LILRA4: variants seen among roughly 807,000 people sequenced by gnomAD.
LILRA4 encodes the protein leukocyte immunoglobulin like receptor A4.
A neutral mutation model predicts 49.5 loss-of-function variants in LILRA4; 51 were observed. The observed-to-expected ratio is 1.03, with a 90% CI of 0.82 to 1.30. The LOEUF (loss-of-function observed/expected upper bound fraction) is 1.30. Among genes scored for constraint, LILRA4 ranks in the 50% most tolerant of loss-of-function variants. The pLI is 0.00. For missense variants in LILRA4, 624 were observed against 625.6 expected (o/e 1.00, Z 0.03); for synonymous variants, 272 against 265.6 (o/e 1.02, Z -0.23).
chr19:54,336,975 T>A lies in LILRA4; in HGVS notation c.1121A>T (p.His374Leu). The A allele has an allele frequency of 6.2e-7, 1 of 1,614,190 alleles. No homozygotes were observed. Among genetic ancestry groups the A allele is most frequent in the Non-Finnish European group, 8.5e-7 (1 of 1,180,006 alleles). The stretch of plus-strand genomic sequence containing the variant: ...CATGGGGAATTCAGCCTGGTACTTA[T>A]GAGCTCCGTACATTGATCTCAGACG... ...PLRLRSMYGA[H>L]KYQAEFPMSP... The change falls in exon 6 of 8, where the codon CAT becomes CTT. Residue 374 changes from histidine to leucine, a missense_variant. Coordinates refer to ENST00000291759, the MANE Select transcript of LILRA4 (RefSeq NM_012276.5).
intron 6 of LILRA4, chr19:54,335,989 T>C (rs1259589216): frequency 6.6e-6 from 1 of 152,206 alleles, no homozygotes; most frequent in African/African-American, 2.4e-5. Flanking sequence ...ATGGCTGATA[T>C]AAACATCAGC....
rs112530542 is a variant in LILRA4 at position 54,337,425 on chromosome 19, A to G, written c.927T>C (p.Ser309=). 7.8e-4 allele frequency: 1,250 copies of G among 1,611,406 alleles called. 5 individuals are homozygous for G. Among genetic ancestry groups the G allele is most frequent in the Middle Eastern group, 2.7e-3 (12 of 4,464 alleles). The change falls in exon 5 of 8, where the codon AGT becomes AGC. Residue 309 remains serine (S), a synonymous_variant. Coordinates refer to ENST00000291759, the MANE Select transcript of LILRA4 (RefSeq NM_012276.5). ...HNVSSEWSAP[S]DPLDILIAGQ... ...CTGCGATCAGGATATCCAGGGGGTC[A>G]CTGGGGGCCGACCACTCGGAGGAGA... is the stretch of plus-strand genomic sequence containing the variant.
rs768838627 is a variant in LILRA4, at chr19:54,337,444, G to A, written c.908C>T (p.Ser303Phe). 4.3e-6 allele frequency: 7 copies of A among 1,611,754 alleles called. No homozygotes were observed. Among genetic ancestry groups the A allele is most frequent in the Non-Finnish European group, 5.9e-6 (7 of 1,179,800 alleles). The change falls in exon 5 of 8, where the codon TCC becomes TTC. Residue 303 changes from serine (S) to phenylalanine (F), a missense_variant. Ser to Phe is a radical substitution (Grantham distance 155). Coordinates refer to ENST00000291759, the MANE Select transcript of LILRA4 (RefSeq NM_012276.5). ...GGGGTCACTGGGGGCCGACCACTCG[G>A]AGGAGACGTTGTGTGCGCCGTAGCA... is the stretch of plus-strand genomic sequence containing the variant. ...YRCYGAHNVSSEWSAPSDPLD... is the reference protein window; with the variant it reads ...YRCYGAHNVSFEWSAPSDPLD...
intron 6 of LILRA4, chr19:54,335,774 CAGGCGTG>C (rs2081317206): frequency 6.6e-6 from 1 of 152,264 alleles, no homozygotes; most frequent in South Asian, 2.1e-4. Flanking sequence ...GCTGGGATTA[CAGGCGTG>C]AGCCATCGTG....
rs2081331992 is a variant in LILRA4, at chr19:54,337,065, C to T, written c.1031G>A (p.Cys344Tyr). 8 of 1,614,104 alleles carry T rather than the reference C, an allele frequency of 5.0e-6. No homozygotes were observed. The highest frequency in any genetic ancestry group is 6.8e-6 in the Non-Finnish European group (8 of 1,180,008). ...AGTGAACATCGGGTCCCATGACTGA[C>T]ACAGCAGGGTCACCTTCTCTCCTGA... Reference protein sequence around the residue: ...VTSGEKVTLLCQSWDPMFTFL... With the variant: ...VTSGEKVTLLYQSWDPMFTFL... The change falls in exon 6 of 8, where the codon TGT (cysteine) becomes TAT (tyrosine). Residue 344 changes from cysteine to tyrosine, a missense_variant. Physicochemically the swap from Cys to Tyr is radical, Grantham distance 194 (BLOSUM62 -2). Transcript: ENST00000291759.
intron 6 of LILRA4, chr19:54,336,149 C>T (rs1023467881): frequency 6.5e-6 from 1 of 152,774 alleles, no homozygotes; most frequent in Non-Finnish European, 1.5e-5. Flanking sequence ...CCTCTGACCA[C>T]CACAGAGGGA....
intron 6 of LILRA4, chr19:54,335,446 GTTAATTAAACCTCT>G (rs2081313794): frequency 6.5e-6 from 1 of 152,690 alleles, no homozygotes; most frequent in Non-Finnish European, 1.5e-5. Flanking sequence ...GGAACCGTGA[GTTAATTAAACCTCT>G]TTCCTTTATA....
At chr19:54,338,963 C>T (rs1313066666) in intron 1 of LILRA4, 62 bp from the exon 2 acceptor site, 2 of 1,611,074 alleles carry the variant, frequency 1.2e-6, no homozygotes, top group East Asian at 2.2e-5. Flanking sequence ...TCTTCTTTTC[C>T]TTGAGCCCCT....
chr19:54,338,264 T>C, intron 3 of LILRA4, 29 bp from the exon 4 acceptor site: 1 of 1,596,822 alleles, frequency 6.3e-7, no homozygotes. Context: ...GCAGCCGTGT[T>C]TAAATGGGGC....
chr19:54,337,250 G>C lies in LILRA4; in HGVS notation c.953-107C>G, dbSNP rs547471265. On this transcript the variant is annotated intron_variant, in intron 5 of 7. Coordinates refer to ENST00000291759, the MANE Select transcript of LILRA4 (RefSeq NM_012276.5). ...CTCAGTCTGTCCCTGTTTTCTCTGA[G>C]TCTCCCCCTCCCCGCCCATCCCCTG... is the stretch of plus-strand genomic sequence containing the variant. 1,535 of 1,386,194 alleles carry C rather than the reference G, an allele frequency of 1.1e-3. 20 individuals are homozygous for C. In the South Asian group the frequency reaches 0.014, roughly 12 times the overall value. The allele number at this position is 1,386,194 out of a possible 1,614,324, so 85.9% of individuals were successfully genotyped here.
intron 5 of LILRA4, 31 bp from the exon 6 acceptor site, chr19:54,337,174 C>T: frequency 1.3e-6 from 2 of 1,589,994 alleles, no homozygotes; most frequent in Non-Finnish European, 1.7e-6. Flanking sequence ...TGAGGGGCTG[C>T]CCCACCTTGT....
At chr19:54,337,370 C>A in intron 5 of LILRA4, 30 bp downstream of exon 5, 3 of 1,544,476 alleles carry the variant, frequency 1.9e-6, no homozygotes, top group Non-Finnish European at 2.6e-6. Flanking sequence ...GAGCCTGGGT[C>A]CCCCTGACTG....
intron 3 of LILRA4, 32 bp from the exon 4 acceptor site, chr19:54,338,267 A>T (rs757186727): frequency 6.3e-7 from 1 of 1,596,024 alleles, no homozygotes; most frequent in Non-Finnish European, 8.5e-7. Context: ...GCCGTGTTTA[A>T]ATGGGGCTCA....
chr19:54,336,222 C>T (rs1276757649), intron 6 of LILRA4: 6 of 153,972 alleles, frequency 3.9e-5, no homozygotes, highest in Admixed American at 3.8e-4. Context: ...TGTCCACTCT[C>T]CCCTCTGTTC....
At position 54,337,325 on chromosome 19, in the gene LILRA4, A is replaced by G. The variant is rs1443477510; in HGVS notation, c.952+75T>C. ...AGGACCCCCACCCCTCATCCCGGCC[A>G]TCACCACCTGGGCTCCCCCAGCAGG... On this transcript the variant is annotated intron_variant, in intron 5 of 7. Transcript: ENST00000291759. The G allele has an allele frequency of 1.5e-5, 21 of 1,381,868 alleles. No individual in the cohort carries two copies. The African/African-American group carries it at 2.6e-4, about 17-fold the overall frequency. 85.6% of individuals were successfully genotyped at this position (1,381,868 alleles called of 1,614,324 possible). A position where few individuals can be genotyped will look rare whatever the true frequency, so the allele number is the denominator to read the frequency against.
chr19:54,336,356 C>T, intron 6 of LILRA4: 1 of 185,352 alleles, frequency 5.4e-6, no homozygotes. Flanking sequence ...AGGCTGGGGA[C>T]ACCCAGATGT....
chr19:54,333,423 A>G lies in LILRA4; in HGVS notation c.*149T>C, dbSNP rs1003293720. On this transcript the variant is annotated 3_prime_UTR_variant, in exon 8 of 8. Transcript: ENST00000291759. ...GGGCAGTCAAGGAGAGTCGACAATG[A>G]GGAGGAAAGCACCACAGTTTAATGG... 7.3e-5 allele frequency: 54 copies of G among 737,024 alleles called. No individual in the cohort carries two copies. The highest frequency in any genetic ancestry group is 1.3e-5 in the Non-Finnish European group (6 of 450,200). 45.7% of individuals were successfully genotyped at this position (737,024 alleles called of 1,614,324 possible).
At chr19:54,334,821 A>AAAG (rs1299163306) in intron 6 of LILRA4, 1 of 151,044 alleles carries the variant, frequency 6.6e-6, no homozygotes, top group East Asian at 1.9e-4. Flanking sequence ...AAAAAAAAAA[A>AAAG]AAAATTAGCC....
rs1351022195 is a variant in LILRA4, at chr19:54,338,359, C to G, written c.355+37G>C. ...TGAGAGCCGACCCCCTTCCCGAGGG[C>G]AGAGCCTGGGGCTGGGACCCCTGAG... On this transcript the variant is annotated intron_variant, in intron 3 of 7. Transcript: ENST00000291759. 1.9e-6 allele frequency: 3 copies of G among 1,611,432 alleles called. No homozygotes were observed. The African/African-American group carries it at 4.0e-5, about 22-fold the overall frequency.
Sources: allele counts gnomAD v4.1 joint callset, GRCh38; gene constraint gnomAD v4.1.1; transcripts MANE v1.5; gene names NCBI Gene and HGNC (gene_info 2026-07-23, HGNC 2026-07-21).